EML6: variants seen among roughly 807,000 people sequenced by gnomAD.
EML6 encodes the protein EMAP like 6, also known as echinoderm microtubule-associated protein-like 6.
EML6 carries 154 observed loss-of-function variants against 240.1 expected under a neutral mutation model. The observed-to-expected ratio is 0.64, with a 90% CI of 0.56 to 0.73. The LOEUF is 0.73. EML6 is among the 30% of genes least tolerant of loss of function. The pLI is 0.00. For synonymous variants in EML6, 1,148 were observed against 899.0 expected (o/e 1.28, Z -4.95); for missense variants, 2,964 against 2,474.6 (o/e 1.20, Z -4.20).
At chr2:54,934,596 G>A (rs1206591707) in intron 28 of EML6, among the ~76,000 whole-genome samples, 3 of 152,088 alleles carry the variant, frequency 2.0e-5, no homozygotes, top group Non-Finnish European at 2.9e-5. Flanking sequence ...GTTGCCCAGA[G>A]TGTAGTATGG....
At chr2:54,959,694 G>A (rs936326762) in intron 34 of EML6, among the ~76,000 whole-genome samples, 17 of 152,134 alleles carry the variant, frequency 1.1e-4, no homozygotes, top group African/African-American at 3.4e-4. Flanking sequence ...CCCAGGAAGC[G>A]GAGGTTGCAG....
At chr2:54,861,919 A>G (rs948416720) in intron 12 of EML6, among the ~76,000 whole-genome samples, 1 of 152,210 alleles carries the variant, frequency 6.6e-6, no homozygotes, top group African/African-American at 2.4e-5. Context: ...AGGGAATTCA[A>G]AATAATAGTC....
At chr2:54,795,426 CCT>C (rs1415517352) in intron 2 of EML6, among the ~76,000 whole-genome samples, 5 of 152,172 alleles carry the variant, frequency 3.3e-5, no homozygotes, top group African/African-American at 1.2e-4. Flanking sequence ...CCAGGCCCCT[CCT>C]CTGGCGTATG....
At chr2:54,826,381 C>G (rs1204357489) in intron 5 of EML6, among the ~76,000 whole-genome samples, 1 of 152,158 alleles carries the variant, frequency 6.6e-6, no homozygotes, top group Non-Finnish European at 1.5e-5. Flanking sequence ...GGCAGATCAC[C>G]TGAGGTCAGG....
intron 26 of EML6, among the ~76,000 whole-genome samples, chr2:54,927,473 C>T (rs1573159855): frequency 1.3e-5 from 2 of 152,330 alleles, no homozygotes; most frequent in Admixed American, 1.3e-4. Context: ...GTAAGGTATT[C>T]CCTCGGAGTC....
chr2:54,966,021 G>T (rs1248725434), intron 38 of EML6, among the ~76,000 whole-genome samples: 1 of 152,218 alleles, frequency 6.6e-6, no homozygotes, highest in Non-Finnish European at 1.5e-5. Context: ...AAACAAGATG[G>T]AGCCAGTTAA....
At chr2:54,890,393 C>T (rs1200843154) in intron 17 of EML6, among the ~76,000 whole-genome samples, 1 of 152,156 alleles carries the variant, frequency 6.6e-6, no homozygotes, top group Non-Finnish European at 1.5e-5. Context: ...CAAATAGTCC[C>T]TCTCATGCTG....
chr2:54,858,647 C>A (rs1486869351), intron 11 of EML6, among the ~76,000 whole-genome samples: 1 of 152,164 alleles, frequency 6.6e-6, no homozygotes, highest in Non-Finnish European at 1.5e-5. Flanking sequence ...TTTCTCAGAG[C>A]CCCTGATATA....
intron 7 of EML6, among the ~76,000 whole-genome samples, chr2:54,839,525 A>G (rs1352245022): frequency 1.3e-5 from 2 of 152,244 alleles, no homozygotes; most frequent in Non-Finnish European, 2.9e-5. Context: ...TTAAGTTGAT[A>G]TTGCAAGCAA....
At chr2:54,917,360 T>G (rs9751099) in intron 26 of EML6, among the ~76,000 whole-genome samples, 148 of 25,268 alleles carry the variant, frequency 5.9e-3, no homozygotes, top group African/African-American at 0.054. Flanking sequence ...TTTTTTTTGT[T>G]TTTTTTTTTT....
At chr2:54,958,432 TC>T (rs1320120144) in intron 33 of EML6, among the ~76,000 whole-genome samples, 2 of 152,126 alleles carry the variant, frequency 1.3e-5, no homozygotes, top group African/African-American at 4.8e-5. Flanking sequence ...CCTCAGGTGA[TC>T]CGCCTGCCTC....
intron 5 of EML6, among the ~76,000 whole-genome samples, chr2:54,821,521 A>G (rs1479555448): frequency 6.6e-6 from 1 of 152,122 alleles, no homozygotes; most frequent in Non-Finnish European, 1.5e-5. Context: ...TTTTTACCTG[A>G]CAGAATTTCC....
Position 54,820,434 on chromosome 2 carries a change from T to G in EML6, c.497T>G (p.Val166Gly). The G allele has an allele frequency of 6.5e-7, 1 of 1,549,762 alleles. No individual in the cohort carries two copies. Among genetic ancestry groups the G allele is most frequent in the South Asian group, 1.2e-5 (1 of 83,734 alleles). The change falls in exon 5 of 42, where the codon GTG (valine) becomes GGG (glycine). Residue 166 changes from valine (V) to glycine (G), a missense_variant. Physicochemically the swap from Val to Gly is moderately radical, Grantham distance 109. Transcript: ENST00000356458. Reference protein sequence around the residue: ...ISWDPYQPNRVVSCGVKHIKF... With the variant: ...ISWDPYQPNRGVSCGVKHIKF... Reference sequence around the variant, plus strand: ...TGGGATCCATATCAGCCAAACAGAGTGGTTAGCTGTGGAGTAAAACACATA... The same window carrying G: ...TGGGATCCATATCAGCCAAACAGAGGGGTTAGCTGTGGAGTAAAACACATA...
intron 16 of EML6, 134 bp from the exon 17 acceptor site, chr2:54,879,413 C>T (rs1671699723): frequency 1.1e-5 from 7 of 644,692 alleles, no homozygotes; most frequent in Non-Finnish European, 2.8e-6. Context: ...ATAATCAAGT[C>T]AGGGCAGCTA....
chr2:54,755,966 A>G (rs1304522607), intron 2 of EML6, among the ~76,000 whole-genome samples: 8 of 152,092 alleles, frequency 5.3e-5, no homozygotes, highest in Non-Finnish European at 1.2e-4. Context: ...GAATCGGCAA[A>G]TACCTTAAGG....
At chr2:54,829,986 C>T (rs1163199068) in intron 7 of EML6, among the ~76,000 whole-genome samples, 2 of 152,132 alleles carry the variant, frequency 1.3e-5, no homozygotes, top group Non-Finnish European at 2.9e-5. Flanking sequence ...TCTGTTTCCT[C>T]ATCTATAAAA....
chr2:54,875,244 C>T (rs965005440), intron 16 of EML6, among the ~76,000 whole-genome samples: 18 of 152,142 alleles, frequency 1.2e-4, no homozygotes, highest in Admixed American at 1.2e-3. Context: ...CACACACTTA[C>T]CTGAAGTATG....
At chr2:54,861,182 G>A (rs1327663902) in intron 12 of EML6, among the ~76,000 whole-genome samples, 1 of 152,150 alleles carries the variant, frequency 6.6e-6, no homozygotes, top group Non-Finnish European at 1.5e-5. Flanking sequence ...CACTTCATGA[G>A]CCTTTGCTCT....
chr2:54,895,906 G>C (rs1381275536), intron 21 of EML6, among the ~76,000 whole-genome samples: 3 of 152,180 alleles, frequency 2.0e-5, no homozygotes. Context: ...GAAAAAAATA[G>C]ATACTACAAT....
Sources: gnomAD v4.1 joint callset for allele counts (sites outside exome capture counted in the v4.1 genomes callset) on GRCh38, gnomAD v4.1.1 for gene constraint, MANE v1.5 for transcripts, NCBI Gene and HGNC (gene_info 2026-07-23, HGNC 2026-07-21) for gene names.